ADAMTSL1: variants seen among roughly 807,000 people sequenced by gnomAD.
The protein encoded by ADAMTSL1 is ADAMTS-like protein 1.
ADAMTSL1 carries 126 observed loss-of-function variants against 201.8 expected under a neutral mutation model. That is an observed-to-expected ratio of 0.62 (90% CI 0.54 to 0.72). The LOEUF (loss-of-function observed/expected upper bound fraction) is 0.72. ADAMTSL1 is among the 30% of genes least tolerant of loss of function. The pLI is 0.00. For missense variants in ADAMTSL1, 2,679 were observed against 2,277.8 expected, an observed-to-expected ratio of 1.18 and a Z score of -3.59; for synonymous variants, 1,121 against 903.4, an observed-to-expected ratio of 1.24 and a Z score of -4.32.
chr9:18,632,833 CTTGCTTCA>C lies in ADAMTSL1; in HGVS notation c.602-3107_602-3100del, dbSNP rs540710005. ...ACTGCTAGAGTTTGTACCAGCCTGA[CTTGCTTCA>C]TTTCTCTTTGACTAGGTGAGTGCAA... On this transcript the variant is annotated intron_variant, in intron 5 of 28. Coordinates refer to ENST00000380548, the MANE Select transcript of ADAMTSL1 (RefSeq NM_001040272.6). Among the ~76,000 whole-genome samples the C allele has an allele frequency of 1.2e-4, 19 of 152,206 alleles. No homozygotes were observed. In the East Asian group the frequency reaches 2.1e-3, roughly 17 times the overall value.
chr9:18,650,624 G>A (rs927432035), intron 7 of ADAMTSL1, among the ~76,000 whole-genome samples: 13 of 152,302 alleles, frequency 8.5e-5, no homozygotes, highest in Non-Finnish European at 2.9e-5. Flanking sequence ...GGAAGATTTT[G>A]TGACAGTGAG....
chr9:18,627,427 T>A (rs1007291589), intron 5 of ADAMTSL1, among the ~76,000 whole-genome samples: 1 of 152,240 alleles, frequency 6.6e-6, no homozygotes, highest in African/African-American at 2.4e-5. Context: ...TACCACAGAC[T>A]AAGTGATTTA....
chr9:18,768,259 T>A (rs1462692122), intron 16 of ADAMTSL1, among the ~76,000 whole-genome samples: 1 of 152,170 alleles, frequency 6.6e-6, no homozygotes, highest in Non-Finnish European at 1.5e-5. Flanking sequence ...ACGGTCACAC[T>A]ACCCTCCATT....
intron 3 of ADAMTSL1, among the ~76,000 whole-genome samples, chr9:18,563,456 T>C (rs1461959444): frequency 1.3e-5 from 2 of 152,320 alleles, no homozygotes; most frequent in African/African-American, 4.8e-5. Context: ...TGACCCCTGC[T>C]GGAAGGTGTC....
upstream of ADAMTSL1, among the ~76,000 whole-genome samples, chr9:18,472,394 G>C (rs1443087218): frequency 6.6e-6 from 1 of 152,196 alleles, no homozygotes; most frequent in Non-Finnish European, 1.5e-5. Context: ...AAAGGGAAAA[G>C]CATATTTCAA....
At chr9:18,218,379 C>G (rs75078605) in intron 2 of ADAMTSL1, among the ~76,000 whole-genome samples, 1 of 152,122 alleles carries the variant, frequency 6.6e-6, no homozygotes, top group Non-Finnish European at 1.5e-5. Flanking sequence ...CTAATTCTTA[C>G]TGTAATCATT....
chr9:18,130,935 T>C (rs1825926407), intron 1 of ADAMTSL1, among the ~76,000 whole-genome samples: 1 of 152,142 alleles, frequency 6.6e-6, no homozygotes. Flanking sequence ...TCCTGACTAG[T>C]GGTTTTACTC....
chr9:18,300,550 C>T (rs950293415), intron 2 of ADAMTSL1, among the ~76,000 whole-genome samples: 4 of 152,122 alleles, frequency 2.6e-5, no homozygotes, highest in South Asian at 2.1e-4. Flanking sequence ...GCATGGTACA[C>T]GTATACCTAT....
chr9:18,528,128 T>C (rs1031584721), intron 2 of ADAMTSL1, among the ~76,000 whole-genome samples: 1 of 152,186 alleles, frequency 6.6e-6, no homozygotes, highest in African/African-American at 2.4e-5. Flanking sequence ...TCCACCTGTC[T>C]TGGCCGCCCA....
chr9:18,105,348 A>G (rs1387981395), intron 1 of ADAMTSL1, among the ~76,000 whole-genome samples: 3 of 152,216 alleles, frequency 2.0e-5, no homozygotes, highest in African/African-American at 7.2e-5. Flanking sequence ...CTAGAAAGAG[A>G]AGGAAAAGCT....
In ADAMTSL1 at chr9:18,694,774, C is replaced by G. The variant is rs368584238; in HGVS notation, c.1574+9974C>G. Among the ~76,000 whole-genome samples, 4 of 152,320 alleles carry G rather than the reference C, an allele frequency of 2.6e-5. No homozygotes were observed. In the South Asian group the frequency reaches 6.2e-4, roughly 24 times the overall value. On this transcript the variant is annotated intron_variant, in intron 13 of 28. Transcript: ENST00000380548. Reference sequence around the variant, plus strand: ...TGGTGGCCTTCTTCTCACAGCTCCACTAGGCAGTGCCCCAGTTGAGACTCT... The same window carrying G: ...TGGTGGCCTTCTTCTCACAGCTCCAGTAGGCAGTGCCCCAGTTGAGACTCT...
At chr9:18,489,818 T>G (rs1054499385) in intron 1 of ADAMTSL1, among the ~76,000 whole-genome samples, 2 of 152,184 alleles carry the variant, frequency 1.3e-5, no homozygotes, top group African/African-American at 4.8e-5. Flanking sequence ...TAATTAGACA[T>G]AAAGAGATAC....
chr9:18,520,933 T>C (rs2132028735), intron 2 of ADAMTSL1, among the ~76,000 whole-genome samples: 1 of 152,306 alleles, frequency 6.6e-6, no homozygotes, highest in Admixed American at 6.5e-5. Flanking sequence ...TTCATCTAAA[T>C]GCTTAGGAGA....
chr9:18,196,455 C>G (rs979783758), intron 2 of ADAMTSL1, among the ~76,000 whole-genome samples: 1 of 151,930 alleles, frequency 6.6e-6, no homozygotes, highest in African/African-American at 2.4e-5. Context: ...TGCAGCCAAC[C>G]AACCAGAGTA....
intron 1 of ADAMTSL1, among the ~76,000 whole-genome samples, chr9:18,129,293 G>C (rs974597239): frequency 1.1e-4 from 17 of 152,282 alleles, no homozygotes; most frequent in African/African-American, 4.1e-4. Context: ...GTGAGGTTCG[G>C]AATTGCAGGC....
At chr9:17,967,304 C>T (rs1169739363) in intron 1 of ADAMTSL1, among the ~76,000 whole-genome samples, 3 of 152,042 alleles carry the variant, frequency 2.0e-5, no homozygotes, top group Non-Finnish European at 4.4e-5. Context: ...ATTTGTACTC[C>T]TGCCACATTA....
At chr9:18,615,480 A>G (rs1825644285) in intron 4 of ADAMTSL1, among the ~76,000 whole-genome samples, 1 of 152,194 alleles carries the variant, frequency 6.6e-6, no homozygotes, top group African/African-American at 2.4e-5. Context: ...AGAATATTCA[A>G]ACTTGTTATT....
At chr9:18,726,382 G>A (rs994514706) in intron 15 of ADAMTSL1, among the ~76,000 whole-genome samples, 5 of 150,340 alleles carry the variant, frequency 3.3e-5, no homozygotes, top group Admixed American at 6.6e-5. Context: ...GTTGAGGGGG[G>A]TGCCTGTAGT....
intron 26 of ADAMTSL1, among the ~76,000 whole-genome samples, chr9:18,897,433 G>A (rs184480954): frequency 1.7e-3 from 256 of 152,172 alleles, no homozygotes; most frequent in African/African-American, 6.0e-3. Context: ...CTCCCAACAG[G>A]GGTCTCCAGA....
Sources: allele counts gnomAD v4.1 joint callset (sites outside exome capture counted in the v4.1 genomes callset), GRCh38; gene constraint gnomAD v4.1.1; transcripts MANE v1.5; gene names NCBI Gene and HGNC (gene_info 2026-07-23, HGNC 2026-07-21).